XPO5: variants seen among roughly 807,000 people sequenced by gnomAD.
XPO5 encodes the protein exportin-5.
A neutral mutation model predicts 160.6 loss-of-function variants in XPO5; 46 were observed. The ratio of observed to expected loss-of-function variants is 0.29; its 90% CI spans 0.23 to 0.37. The LOEUF (loss-of-function observed/expected upper bound fraction) is 0.37. Among genes scored for constraint, XPO5 ranks in the 10% least tolerant of loss-of-function variants. The probability of loss-of-function intolerance (pLI) is 1.00; values close to 1 mark genes in which losing one functional copy is unlikely to be tolerated. For synonymous variants in XPO5, 537 were observed against 519.3 expected (o/e 1.03, Z -0.46); for missense variants, 1,090 against 1,463.9 (o/e 0.74, Z 4.17).
intron 15 of XPO5, 88 bp from the exon 16 acceptor site, chr6:43,550,022 C>A: frequency 7.4e-7 from 1 of 1,357,130 alleles, no homozygotes; most frequent in East Asian, 2.4e-5. Flanking sequence ...ACTTGAATTC[C>A]TGGGCTCAAC....
intron 26 of XPO5, chr6:43,526,966 TAC>T (rs1233790694): frequency 1.3e-5 from 7 of 545,222 alleles, no homozygotes; most frequent in Non-Finnish European, 2.0e-5. Flanking sequence ...GAGAGAAAAT[TAC>T]AGAATTCTCT....
intron 20 of XPO5, chr6:43,538,953 G>A (rs2127718434): frequency 2.2e-6 from 3 of 1,354,254 alleles, no homozygotes; most frequent in East Asian, 2.3e-5. Flanking sequence ...TCGGGGGTCA[G>A]GTAGCTGTAG....
chr6:43,536,376 C>T (rs1794322723), intron 20 of XPO5, among the ~76,000 whole-genome samples: 1 of 151,762 alleles, frequency 6.6e-6, no homozygotes, highest in South Asian at 2.1e-4. Context: ...GATTGTGCCA[C>T]TGCACTCCAG....
At chr6:43,554,583 C>G (rs530857111) in intron 13 of XPO5, among the ~76,000 whole-genome samples, 2 of 151,890 alleles carry the variant, frequency 1.3e-5, no homozygotes, top group East Asian at 3.9e-4. Context: ...CACCACCACG[C>G]CTGGCTAATT....
In XPO5 at chr6:43,531,469, G is replaced by A; in HGVS notation, c.2540+10C>T. Reference sequence around the variant, plus strand: ...GAAGAAAATATGGAGAGGCAGCATTGGTTCCTTACCAGTTTTCATAGAGGG... The same window carrying A: ...GAAGAAAATATGGAGAGGCAGCATTAGTTCCTTACCAGTTTTCATAGAGGG... On this transcript the variant is annotated intron_variant, in intron 22 of 31. Coordinates refer to ENST00000265351, the MANE Select transcript of XPO5 (RefSeq NM_020750.3). 1 of 1,608,806 alleles carries A rather than the reference G, an allele frequency of 6.2e-7. No individual in the cohort carries two copies. The highest frequency in any genetic ancestry group is 8.5e-7 in the Non-Finnish European group (1 of 1,175,240).
In XPO5 at chr6:43,540,694, G is replaced by A. The variant is rs117295802; in HGVS notation, c.2342+5877C>T. On this transcript the variant is annotated intron_variant, in intron 20 of 31. Coordinates refer to ENST00000265351, the MANE Select transcript of XPO5 (RefSeq NM_020750.3). Reference sequence around the variant, plus strand: ...AAAAATCGATATGGGGTCTTGCTACGTTGCCCAGGCTGGTCTCCAGCAATG... The same window carrying A: ...AAAAATCGATATGGGGTCTTGCTACATTGCCCAGGCTGGTCTCCAGCAATG... Among the ~76,000 whole-genome samples, 30 of 152,200 alleles carry A rather than the reference G, an allele frequency of 2.0e-4. No homozygotes were observed. In the East Asian group the frequency reaches 5.4e-3, roughly 27 times the overall value.
At chr6:43,528,805 C>G (rs1260182878) in intron 24 of XPO5, 23 bp downstream of exon 24, 1 of 1,608,512 alleles carries the variant, frequency 6.2e-7, no homozygotes, top group Non-Finnish European at 8.5e-7. Flanking sequence ...CTCTTTGCTT[C>G]CTGTTCCTGA....
At chr6:43,570,003 CTTTTT>C (rs35322286) in intron 5 of XPO5, among the ~76,000 whole-genome samples, 2 of 85,380 alleles carry the variant, frequency 2.3e-5, no homozygotes, top group African/African-American at 4.7e-5. Context: ...AGATCCCTAT[CTTTTT>C]TTTTTTTTTT....
At chr6:43,546,261 A>G (rs1010328152) in intron 20 of XPO5, among the ~76,000 whole-genome samples, 3 of 152,226 alleles carry the variant, frequency 2.0e-5, no homozygotes, top group African/African-American at 7.2e-5. Context: ...TAAAAAATTT[A>G]GACCAAATAA....
At chr6:43,525,434 G>C (rs890990842) in intron 28 of XPO5, 4 of 546,626 alleles carry the variant, frequency 7.3e-6, no homozygotes, top group Admixed American at 3.3e-5. Flanking sequence ...CACCATGCCT[G>C]GCTTAGGAGC....
chr6:43,560,323 A>G lies in XPO5; in HGVS notation c.1096-20T>C. On this transcript the variant is annotated intron_variant, in intron 10 of 31. Coordinates refer to ENST00000265351, the MANE Select transcript of XPO5 (RefSeq NM_020750.3). The stretch of plus-strand genomic sequence containing the variant: ...TAGAAACTAAAGAGAAAAAAAAAAG[A>G]AAACGTCAAAGGATTTGGATTCTAT... 6.3e-7 allele frequency: 1 copy of G among 1,578,660 alleles called. No individual in the cohort carries two copies. Among genetic ancestry groups the G allele is most frequent in the Admixed American group, 1.9e-5 (1 of 52,212 alleles).
chr6:43,555,914 G>T lies in XPO5; in HGVS notation c.1363C>A (p.Pro455Thr), dbSNP rs1296637130. 1.2e-6 allele frequency: 2 copies of T among 1,613,840 alleles called. No individual in the cohort carries two copies. Among genetic ancestry groups the T allele is most frequent in the Admixed American group, 3.3e-5 (2 of 59,992 alleles). The part of the protein sequence containing the change: ...EVMRLACRLD[P>T]KTSFQMAGEW... ...CCAGCCATCTGGAAGCTAGTTTTGG[G>T]ATCCAAACGACATGCCAACCTCATC... is the stretch of plus-strand genomic sequence containing the variant. The change falls in exon 13 of 32, where the codon CCC becomes ACC. Residue 455 changes from proline (P) to threonine (T), a missense_variant. Pro to Thr is a conservative substitution (Grantham distance 38). Transcript: ENST00000265351.
intron 23 of XPO5, chr6:43,529,201 G>C: frequency 7.0e-7 from 1 of 1,434,844 alleles, no homozygotes; most frequent in Non-Finnish European, 9.3e-7. Context: ...TAGGAAGGAG[G>C]ACATCCTTGT....
chr6:43,565,997 C>T (rs1273159094), intron 7 of XPO5, among the ~76,000 whole-genome samples: 1 of 152,220 alleles, frequency 6.6e-6, no homozygotes, highest in Non-Finnish European at 1.5e-5. Context: ...TGGCTCATGC[C>T]TGTAATCCCA....
intron 20 of XPO5, chr6:43,539,636 C>T: frequency 7.6e-7 from 1 of 1,322,514 alleles, no homozygotes; most frequent in Non-Finnish European, 1.1e-6. Context: ...GCGGAAGCCA[C>T]CGCGGTTCCC....
chr6:43,546,830 G>A, intron 19 of XPO5, 78 bp from the exon 20 acceptor site: 1 of 1,379,388 alleles, frequency 7.2e-7, no homozygotes, highest in Non-Finnish European at 9.7e-7. Context: ...ATATATTCAA[G>A]GTTCTGGCAA....
At chr6:43,572,625 T>C (rs376804649) in intron 2 of XPO5, 47 bp from the exon 3 acceptor site, 8 of 1,562,794 alleles carry the variant, frequency 5.1e-6, no homozygotes, top group Non-Finnish European at 7.1e-6. Context: ...TTAGAAGTCT[T>C]GTCTTTACAA....
At chr6:43,539,724 A>C (rs377542160) in intron 20 of XPO5, 28 of 632,826 alleles carry the variant, frequency 4.4e-5, no homozygotes, top group African/African-American at 5.5e-5. Flanking sequence ...CTCGGAGAAG[A>C]AGCTACATTT....
At position 43,524,905 on chromosome 6, in the gene XPO5, A is replaced by G. The variant is rs1263770961; in HGVS notation, c.3238T>C (p.Leu1080=). ...CCGTCGTGCTGCCCGTGCATCTGTA[A>G]GCCTTTCAGCACACTGGTGAAAAGC... The part of the protein sequence containing the change: ...TWLFTSVLKG[L]QMHGQHDGCM... Residue 1080 remains leucine, a synonymous_variant, in exon 30 of 32, where the codon TTA becomes CTA. Transcript: ENST00000265351. The G allele has an allele frequency of 6.2e-7, 1 of 1,614,024 alleles. No individual in the cohort carries two copies. The highest frequency in any genetic ancestry group is 8.5e-7 in the Non-Finnish European group (1 of 1,179,902).
Sources: allele counts gnomAD v4.1 joint callset (sites outside exome capture counted in the v4.1 genomes callset), GRCh38; gene constraint gnomAD v4.1.1; transcripts MANE v1.5; gene names NCBI Gene and HGNC (gene_info 2026-07-23, HGNC 2026-07-21).